RTN4IP1: variants seen among roughly 807,000 people sequenced by gnomAD.
RTN4IP1 encodes the protein NAD(P)H oxidoreductase RTN4IP1, mitochondrial.
A neutral mutation model predicts 46.6 loss-of-function variants in RTN4IP1; 32 were observed. The observed-to-expected ratio is 0.69, with a 90% CI of 0.52 to 0.92. RTN4IP1 has a LOEUF of 0.92. RTN4IP1 is among the 40% of genes least tolerant of loss of function. RTN4IP1 has a pLI of 0.00. For missense variants in RTN4IP1, 424 were observed against 485.8 expected (o/e 0.87, Z 1.20); for synonymous variants, 167 against 161.8 (o/e 1.03, Z -0.24).
intron 4 of RTN4IP1, among the ~76,000 whole-genome samples, chr6:106,611,576 C>T (rs1223764983): frequency 6.6e-6 from 1 of 151,936 alleles, no homozygotes; most frequent in Non-Finnish European, 1.5e-5. Context: ...GGTTCTGAAA[C>T]ACACATGACT....
At chr6:106,607,383 T>C (rs1220412787) in intron 4 of RTN4IP1, among the ~76,000 whole-genome samples, 4 of 151,818 alleles carry the variant, frequency 2.6e-5, no homozygotes, top group Non-Finnish European at 5.9e-5. Flanking sequence ...TAAATAGGAC[T>C]ATATCAAACT....
At chr6:106,577,447 C>CAAAAAAAAAA (rs58921891) in intron 8 of RTN4IP1, among the ~76,000 whole-genome samples, 1 of 55,410 alleles carries the variant, frequency 1.8e-5, no homozygotes, top group Non-Finnish European at 3.0e-5. Flanking sequence ...GACCCTGTCT[C>CAAAAAAAAAA]AAAAAAAAAA....
chr6:106,619,961 A>C (rs1447954532), intron 3 of RTN4IP1, among the ~76,000 whole-genome samples: 1 of 152,178 alleles, frequency 6.6e-6, no homozygotes, highest in Non-Finnish European at 1.5e-5. Context: ...GTAAGGATAC[A>C]GTATATAATA....
At chr6:106,593,237 A>T (rs1289834689) in intron 5 of RTN4IP1, among the ~76,000 whole-genome samples, 1 of 152,188 alleles carries the variant, frequency 6.6e-6, no homozygotes, top group African/African-American at 2.4e-5. Context: ...AACCTAAATA[A>T]ATGTTACCCA....
chr6:106,625,661 C>CTTTTTTTTTTTT (rs773454257), intron 1 of RTN4IP1, among the ~76,000 whole-genome samples: 4 of 112,794 alleles, frequency 3.5e-5, no homozygotes, highest in Non-Finnish European at 5.4e-5. Flanking sequence ...TCTTTTTTTT[C>CTTTTTTTTTTTT]TTTTTTTTTT....
intron 4 of RTN4IP1, chr6:106,607,794 A>C (rs1279867896): frequency 6.6e-6 from 1 of 152,108 alleles, no homozygotes. Context: ...AATGACATGC[A>C]AATTTGTGAA....
chr6:106,582,043 C>T (rs1433360829), intron 8 of RTN4IP1, among the ~76,000 whole-genome samples: 1 of 152,114 alleles, frequency 6.6e-6, no homozygotes, highest in African/African-American at 2.4e-5. Context: ...TAACACTGAG[C>T]CCCTGTCCCT....
intron 2 of RTN4IP1, among the ~76,000 whole-genome samples, 192 bp downstream of exon 2, chr6:106,622,626 C>T (rs909869942): frequency 1.3e-5 from 2 of 152,178 alleles, no homozygotes; most frequent in African/African-American, 2.4e-5. Flanking sequence ...TCGAGACCTA[C>T]GTCATTTAAT....
chr6:106,611,869 A>G lies in RTN4IP1; in HGVS notation c.620+7333T>C, dbSNP rs751866997. Among the ~76,000 whole-genome samples, 79 of 152,248 alleles carry G rather than the reference A, an allele frequency of 5.2e-4. 1 individual carries two copies. The highest frequency in any genetic ancestry group is 9.0e-4 in the Non-Finnish European group (61 of 68,038). On this transcript the variant is annotated intron_variant, in intron 4 of 8. Transcript: ENST00000369063. ...TTCCCAAGAAAACAAAGCTATTTAT[A>G]TATCTTGGTAAGGTGGCCAGGGTAA...
intron 8 of RTN4IP1, among the ~76,000 whole-genome samples, chr6:106,582,285 C>T (rs889215961): frequency 6.6e-6 from 1 of 152,186 alleles, no homozygotes; most frequent in African/African-American, 2.4e-5. Context: ...AGAAAGCCCA[C>T]CTCCAGGGGC....
chr6:106,585,698 G>T (rs1195810188), intron 7 of RTN4IP1, among the ~76,000 whole-genome samples: 2 of 152,130 alleles, frequency 1.3e-5, no homozygotes, highest in Non-Finnish European at 2.9e-5. Context: ...TGACAATGAG[G>T]CTTTAACTAC....
intron 1 of RTN4IP1, among the ~76,000 whole-genome samples, chr6:106,625,661 CTTTTTTTTTTTTTT>C (rs773454257): frequency 8.9e-6 from 1 of 112,798 alleles, no homozygotes; most frequent in Non-Finnish European, 1.8e-5. Context: ...TCTTTTTTTT[CTTTTTTTTTTTTTT>C]TTTTTTGAGA....
At chr6:106,574,824 C>A (rs372664043) in intron 8 of RTN4IP1, among the ~76,000 whole-genome samples, 1 of 152,176 alleles carries the variant, frequency 6.6e-6, no homozygotes, top group Non-Finnish European at 1.5e-5. Flanking sequence ...GAGCTCTGAC[C>A]GGGGACACAG....
In RTN4IP1 at chr6:106,619,277, G is replaced by A. The variant is rs1313180077; in HGVS notation, c.545C>T (p.Pro182Leu). Residue 182 changes from proline to leucine, a missense_variant, in exon 4 of 9, where the codon CCA (proline) becomes CTA (leucine). Transcript: ENST00000369063. ...AGACCAGGCTGTGAGAGCCACATAT[G>A]GCAAAGAGGCAGCTTGAGTATGAGT... The part of the protein sequence containing the change: ...SLTHTQAASL[P>L]YVALTAWSAI... The A allele has an allele frequency of 6.2e-7, 1 of 1,614,022 alleles. No individual in the cohort carries two copies. Among genetic ancestry groups the A allele is most frequent in the Non-Finnish European group, 8.5e-7 (1 of 1,179,992 alleles).
upstream of RTN4IP1, among the ~76,000 whole-genome samples, chr6:106,630,467 T>C (rs898811446): frequency 3.9e-5 from 6 of 152,268 alleles, no homozygotes; most frequent in Non-Finnish European, 7.3e-5. Context: ...CTCTTCATTC[T>C]ATCTTGCAGA....
chr6:106,615,339 A>G (rs1776324242), intron 4 of RTN4IP1, among the ~76,000 whole-genome samples: 1 of 152,160 alleles, frequency 6.6e-6, no homozygotes, highest in South Asian at 2.1e-4. Flanking sequence ...CTATAATTCT[A>G]TATCAGAATT....
intron 5 of RTN4IP1, among the ~76,000 whole-genome samples, chr6:106,600,326 C>T (rs1775911426): frequency 6.6e-6 from 1 of 151,724 alleles, no homozygotes; most frequent in African/African-American, 2.4e-5. Context: ...GTCAGTTACA[C>T]ATCTGACCAC....
chr6:106,601,334 T>C (rs1269828374), intron 5 of RTN4IP1, among the ~76,000 whole-genome samples: 1 of 151,974 alleles, frequency 6.6e-6, no homozygotes, highest in South Asian at 2.1e-4. Context: ...CAGAAAATGA[T>C]ATGGAAATAT....
At chr6:106,598,355 C>G (rs1775854478) in intron 5 of RTN4IP1, among the ~76,000 whole-genome samples, 1 of 151,914 alleles carries the variant, frequency 6.6e-6, no homozygotes, top group African/African-American at 2.4e-5. Context: ...TCTCCAGCAC[C>G]TGTTGTTTCC....
Sources: gnomAD v4.1 joint callset for allele counts (sites outside exome capture counted in the v4.1 genomes callset) on GRCh38, gnomAD v4.1.1 for gene constraint, MANE v1.5 for transcripts, NCBI Gene and HGNC (gene_info 2026-07-23, HGNC 2026-07-21) for gene names.